The following RBMS3 variants were observed in gnomAD, a reference collection of about 807,000 sequenced individuals.
The protein encoded by RBMS3 is RNA-binding motif, single-stranded-interacting protein 3.
In RBMS3, 27 loss-of-function variants were observed where a neutral mutation model predicts 66.8. The observed-to-expected ratio is 0.40, with a 90% CI of 0.30 to 0.56. The LOEUF is 0.56. Among genes scored for constraint, RBMS3 ranks in the 20% least tolerant of loss-of-function variants. The probability of loss-of-function intolerance (pLI) is 0.40; values close to 1 mark genes in which losing one functional copy is unlikely to be tolerated. For synonymous variants in RBMS3, 188 were observed against 183.0 expected (o/e 1.03, Z -0.22); for missense variants, 513 against 549.5 (o/e 0.93, Z 0.66).
At chr3:29,443,636 A>G (rs996479720) in intron 2 of RBMS3, among the ~76,000 whole-genome samples, 1 of 152,134 alleles carries the variant, frequency 6.6e-6, no homozygotes. Flanking sequence ...AAGGAACGTA[A>G]GAAAGGTTAT....
chr3:29,485,961 T>G (rs1271251854), intron 2 of RBMS3, among the ~76,000 whole-genome samples: 1 of 152,160 alleles, frequency 6.6e-6, no homozygotes, highest in Non-Finnish European at 1.5e-5. Flanking sequence ...GAAGGCATAC[T>G]TTTTTACTTC....
intron 3 of RBMS3, among the ~76,000 whole-genome samples, chr3:29,503,137 CTAAAGGTATGA>C (rs2148940467): frequency 6.6e-6 from 1 of 152,170 alleles, no homozygotes; most frequent in African/African-American, 2.4e-5. Context: ...TATTTGAATT[CTAAAGGTATGA>C]TAAAGTTTAA....
intron 4 of RBMS3, among the ~76,000 whole-genome samples, chr3:29,715,962 G>A (rs1228138550): frequency 6.6e-6 from 1 of 152,068 alleles, no homozygotes; most frequent in Admixed American, 6.6e-5. Context: ...TTTCTGGGAA[G>A]TTAGAAAAAG....
intron 3 of RBMS3, among the ~76,000 whole-genome samples, chr3:29,527,544 CTT>C (rs2045178147): frequency 2.0e-5 from 3 of 152,176 alleles, no homozygotes. Flanking sequence ...CTGCTGTACA[CTT>C]TTCATGTTCT....
chr3:29,970,776 A>G (rs1263684406), intron 12 of RBMS3, among the ~76,000 whole-genome samples: 1 of 151,866 alleles, frequency 6.6e-6, no homozygotes, highest in Non-Finnish European at 1.5e-5. Flanking sequence ...TCTTTTTTCA[A>G]TTTTCTCATA....
At chr3:29,314,403 A>G (rs2034555118) in intron 1 of RBMS3, among the ~76,000 whole-genome samples, 1 of 151,746 alleles carries the variant, frequency 6.6e-6, no homozygotes, top group Admixed American at 6.6e-5. Context: ...TTTACACATT[A>G]GGAAATTGAA....
intron 1 of RBMS3, among the ~76,000 whole-genome samples, chr3:29,349,630 C>T (rs2036785047): frequency 1.3e-5 from 2 of 152,174 alleles, no homozygotes; most frequent in Non-Finnish European, 1.5e-5. Flanking sequence ...TTTTAATCCT[C>T]AATGTAGATT....
chr3:29,987,950 G>C (rs1020449959), intron 12 of RBMS3, 193 bp from the exon 13 acceptor site: 15 of 531,204 alleles, frequency 2.8e-5, no homozygotes, highest in African/African-American at 2.3e-4. Context: ...TAGGGCTACT[G>C]TGGGTACTTA....
chr3:29,993,520 ATATTTGAATCAGT>A (rs1434458146), intron 14 of RBMS3, among the ~76,000 whole-genome samples: 3 of 152,294 alleles, frequency 2.0e-5, no homozygotes, highest in Middle Eastern at 3.4e-3. Context: ...GATGAGGTTA[ATATTTGAATCAGT>A]TAAAGCAGAT....
chr3:29,590,499 T>C (rs547774646), intron 4 of RBMS3, among the ~76,000 whole-genome samples: 16 of 152,210 alleles, frequency 1.1e-4, no homozygotes, highest in Admixed American at 3.3e-4. Context: ...GTAGCATCAG[T>C]CAGCAAACAT....
intron 1 of RBMS3, among the ~76,000 whole-genome samples, chr3:29,285,577 G>A (rs1006138611): frequency 6.6e-6 from 1 of 152,058 alleles, no homozygotes; most frequent in African/African-American, 2.4e-5. Flanking sequence ...TTCCCCAGAA[G>A]GTCTTGAAGA....
intron 6 of RBMS3, among the ~76,000 whole-genome samples, chr3:29,799,971 C>G (rs908938828): frequency 2.6e-5 from 4 of 152,278 alleles, no homozygotes; most frequent in Non-Finnish European, 5.9e-5. Flanking sequence ...ACAACTTCAT[C>G]AAGATTTATC....
At chr3:29,583,882 A>T (rs2047418200) in intron 3 of RBMS3, among the ~76,000 whole-genome samples, 1 of 151,640 alleles carries the variant, frequency 6.6e-6, no homozygotes. Flanking sequence ...TTCACACTGG[A>T]ATCAGGTGGG....
intron 5 of RBMS3, among the ~76,000 whole-genome samples, chr3:29,758,642 GA>G (rs1276650477): frequency 7.9e-5 from 12 of 152,146 alleles, no homozygotes; most frequent in Non-Finnish European, 1.6e-4. Flanking sequence ...CTGGCAGGAA[GA>G]AAACAAATTG....
intron 3 of RBMS3, among the ~76,000 whole-genome samples, chr3:29,491,480 TACAA>T (rs1381498188): frequency 6.6e-6 from 1 of 152,228 alleles, no homozygotes; most frequent in Non-Finnish European, 1.5e-5. Context: ...AATATAATCT[TACAA>T]ATACATAGAT....
intron 1 of RBMS3, among the ~76,000 whole-genome samples, chr3:29,403,832 TA>T (rs1213476783): frequency 2.0e-5 from 3 of 152,082 alleles, no homozygotes; most frequent in African/African-American, 4.8e-5. Flanking sequence ...AACATATTTT[TA>T]AAAGTGTAAA....
At chr3:29,829,023 TTTCTTTCTTTCTTTCTTTCTTTC>T (rs1164027887) in intron 6 of RBMS3, among the ~76,000 whole-genome samples, 9 of 49,202 alleles carry the variant, frequency 1.8e-4, no homozygotes, top group Admixed American at 1.5e-3. Flanking sequence ...TCTTTCTTTC[TTTCTTTCTTTCTTTCTTTCTTTC>T]TTTTGTTTTG....
intron 11 of RBMS3, among the ~76,000 whole-genome samples, chr3:29,942,986 A>G (rs1362014089): frequency 6.6e-6 from 1 of 151,770 alleles, no homozygotes; most frequent in African/African-American, 2.4e-5. Flanking sequence ...GAAACAAAAT[A>G]ACTCATGTGT....
At chr3:29,890,749 T>C (rs1559772586) in intron 8 of RBMS3, among the ~76,000 whole-genome samples, 1 of 151,636 alleles carries the variant, frequency 6.6e-6, no homozygotes, top group Admixed American at 6.6e-5. Flanking sequence ...CTTTTATATG[T>C]ATAAAATGTT....
Sources: gnomAD v4.1 joint callset for allele counts (sites outside exome capture counted in the v4.1 genomes callset) on GRCh38, gnomAD v4.1.1 for gene constraint, MANE v1.5 for transcripts, NCBI Gene and HGNC (gene_info 2026-07-23, HGNC 2026-07-21) for gene names.